Variants in BLTP3B observed in about 807,000 individuals in gnomAD.
The protein encoded by BLTP3B is UHRF1 (ICBP90) binding protein 1-like.
the BLTP3B span, among the ~76,000 whole-genome samples, chr12:100,135,822 A>G: frequency 6.6e-6 from 1 of 152,204 alleles, no homozygotes; most frequent in African/African-American, 2.4e-5. Flanking sequence ...GCAGTATGGT[A>G]CAATATTTGG....
the BLTP3B span, chr12:100,039,511 T>C: frequency 4.9e-5 from 64 of 1,318,786 alleles, 2 homozygotes; most frequent in South Asian, 9.1e-4. Context: ...TTTATTAAAA[T>C]AAGTAAACAA....
At chr12:100,081,765 C>T in the BLTP3B span, among the ~76,000 whole-genome samples, 1 of 152,208 alleles carries the variant, frequency 6.6e-6, no homozygotes, top group Non-Finnish European at 1.5e-5. Context: ...TTCATGGCTA[C>T]ATAGTACTCT....
chr12:100,091,949 C>G, the BLTP3B span, among the ~76,000 whole-genome samples: 7 of 151,472 alleles, frequency 4.6e-5, no homozygotes, highest in African/African-American at 1.7e-4. Context: ...GCTGGGATTA[C>G]AGGCACCCAC....
chr12:100,130,159 C>T, the BLTP3B span, among the ~76,000 whole-genome samples: 2 of 152,134 alleles, frequency 1.3e-5, no homozygotes, highest in Admixed American at 1.3e-4. Flanking sequence ...GGGGTTTCAC[C>T]ATGTTGGCCA....
chr12:100,121,831 A>G, the BLTP3B span, among the ~76,000 whole-genome samples: 3 of 152,246 alleles, frequency 2.0e-5, no homozygotes, highest in Non-Finnish European at 4.4e-5. Flanking sequence ...GTCCGTCTCA[A>G]GAAAAAAAAG....
the BLTP3B span, among the ~76,000 whole-genome samples, chr12:100,089,787 T>C: frequency 1.3e-5 from 2 of 152,166 alleles, no homozygotes; most frequent in African/African-American, 4.8e-5. Context: ...ATATCTGATA[T>C]GGTTTGGCCC....
chr12:100,045,859 A>C, the BLTP3B span, among the ~76,000 whole-genome samples: 12 of 152,234 alleles, frequency 7.9e-5, no homozygotes, highest in African/African-American at 2.9e-4. Flanking sequence ...GAGAATCTAC[A>C]AAGAACTTAA....
the BLTP3B span, among the ~76,000 whole-genome samples, chr12:100,066,959 A>C: frequency 6.6e-6 from 1 of 152,142 alleles, no homozygotes; most frequent in East Asian, 1.9e-4. Flanking sequence ...AGCCTCAATA[A>C]ATTTAAGAAA....
At chr12:100,091,486 C>A in the BLTP3B span, among the ~76,000 whole-genome samples, 1 of 151,158 alleles carries the variant, frequency 6.6e-6, no homozygotes. Context: ...CAGCGTCCGG[C>A]CCCTAATTTT....
the BLTP3B span, among the ~76,000 whole-genome samples, chr12:100,116,776 T>C: frequency 3.0e-4 from 46 of 152,316 alleles, no homozygotes; most frequent in African/African-American, 1.1e-3. Context: ...ATAAAAGGCA[T>C]CTGGTTTTGA....
At chr12:100,082,921 A>AT in the BLTP3B span, 1 of 883,234 alleles carries the variant, frequency 1.1e-6, no homozygotes, top group Admixed American at 2.4e-5. Flanking sequence ...CCTTGTAAAG[A>AT]TTTTTTAAAT....
chr12:100,140,447 T>C, the BLTP3B span, among the ~76,000 whole-genome samples: 3 of 151,764 alleles, frequency 2.0e-5, no homozygotes, highest in African/African-American at 7.3e-5. Flanking sequence ...GGCTCACACC[T>C]GTAATCCCAG....
the BLTP3B span, among the ~76,000 whole-genome samples, chr12:100,053,351 T>C: frequency 6.6e-6 from 1 of 151,942 alleles, no homozygotes; most frequent in Non-Finnish European, 1.5e-5. Flanking sequence ...GAGGTTGCAG[T>C]GAGCTGAAAT....
chr12:100,040,664 C>T, the BLTP3B span, among the ~76,000 whole-genome samples: 2 of 152,070 alleles, frequency 1.3e-5, no homozygotes, highest in East Asian at 1.9e-4. Context: ...CCAGCCTGGG[C>T]GACAGAGCGA....
At chr12:100,120,771 A>G in the BLTP3B span, among the ~76,000 whole-genome samples, 1 of 151,940 alleles carries the variant, frequency 6.6e-6, no homozygotes, top group Non-Finnish European at 1.5e-5. Flanking sequence ...TTCATATGAA[A>G]ACATAGCACA....
At chr12:100,091,542 G>T in the BLTP3B span, among the ~76,000 whole-genome samples, 1 of 148,508 alleles carries the variant, frequency 6.7e-6, no homozygotes, top group Non-Finnish European at 1.5e-5. Context: ...TCGCTCTGTT[G>T]CCCAGGCTGG....
chr12:100,130,974 A>AGAGG, the BLTP3B span, among the ~76,000 whole-genome samples: 90 of 100,562 alleles, frequency 8.9e-4, no homozygotes, highest in East Asian at 2.2e-3. Flanking sequence ...AGAGAGAGAG[A>AGAGG]GAGGGAGGGA....
the BLTP3B span, chr12:100,059,031 A>T: frequency 6.2e-7 from 1 of 1,614,148 alleles, no homozygotes; most frequent in Non-Finnish European, 8.5e-7. Context: ...TGATGTATTT[A>T]GAGATACCTG....
the BLTP3B span, among the ~76,000 whole-genome samples, chr12:100,056,505 C>CT: frequency 6.6e-6 from 1 of 151,824 alleles, no homozygotes; most frequent in African/African-American, 2.4e-5. Flanking sequence ...CTAATCTAAG[C>CT]TTTTCATCTA....
Sources: allele counts gnomAD v4.1 joint callset (sites outside exome capture counted in the v4.1 genomes callset), GRCh38; gene constraint gnomAD v4.1.1; transcripts MANE v1.5; gene names NCBI Gene and HGNC (gene_info 2026-07-23, HGNC 2026-07-21).